The following NR6A1 variants were observed in gnomAD, a reference collection of about 807,000 sequenced individuals.
The protein encoded by NR6A1 is nuclear receptor subfamily 6 group A member 1.
A neutral mutation model predicts 59.1 loss-of-function variants in NR6A1; 7 were observed. That is an observed-to-expected ratio of 0.12 (90% CI 0.07 to 0.22). The LOEUF is 0.22. Ranked by LOEUF, NR6A1 falls within the 10% of genes least tolerant of loss-of-function variation. The pLI is 1.00. For synonymous variants in NR6A1, 243 were observed against 236.1 expected (o/e 1.03, Z -0.27); for missense variants, 468 against 611.6 (o/e 0.77, Z 2.48).
chr9:124,668,237 T>A (rs911348792), intron 2 of NR6A1, among the ~76,000 whole-genome samples: 2 of 152,050 alleles, frequency 1.3e-5, no homozygotes, highest in Non-Finnish European at 2.9e-5. Flanking sequence ...TAAGGGGAAG[T>A]ATATTGTCAC....
Position 124,520,635 on chromosome 9 carries a change from G to A in NR6A1, c.*2070C>T, listed in dbSNP as rs768802562. On this transcript the variant is annotated 3_prime_UTR_variant, in exon 10 of 10. Transcript: ENST00000487099. ...AAGAACGATGCTGTACACAGGAGCT[G>A]TCTTAGAGAAGGCATCTGTGATATG... 6.6e-6 allele frequency: 1 copy of A among 152,272 alleles called. No individual in the cohort carries two copies. The highest frequency in any genetic ancestry group is 1.5e-5 in the Non-Finnish European group (1 of 68,046). 9.4% of individuals were successfully genotyped at this position (152,272 alleles called of 1,614,324 possible).
At chr9:124,682,374 AACTG>A (rs1235357263) in intron 2 of NR6A1, among the ~76,000 whole-genome samples, 12 of 152,322 alleles carry the variant, frequency 7.9e-5, no homozygotes, top group East Asian at 3.9e-4. Flanking sequence ...AAATTGTCTG[AACTG>A]ACTATTAAAA....
chr9:124,719,501 T>A (rs1384012870), intron 2 of NR6A1, among the ~76,000 whole-genome samples: 3 of 152,150 alleles, frequency 2.0e-5, no homozygotes, highest in Non-Finnish European at 4.4e-5. Context: ...ACTCTCATCA[T>A]CCCTAAAAAT....
chr9:124,555,741 C>T (rs887402659), intron 2 of NR6A1, among the ~76,000 whole-genome samples: 2 of 152,194 alleles, frequency 1.3e-5, no homozygotes, highest in East Asian at 1.9e-4. Context: ...GAAAAATTGA[C>T]CTTCTTTACT....
chr9:124,597,296 C>G (rs1835298956), intron 2 of NR6A1, among the ~76,000 whole-genome samples: 1 of 129,050 alleles, frequency 7.7e-6, no homozygotes, highest in Non-Finnish European at 1.6e-5. Flanking sequence ...ACCCCAACCC[C>G]ATAGATTAAT....
At chr9:124,624,292 C>T (rs1836171706) in intron 2 of NR6A1, among the ~76,000 whole-genome samples, 1 of 152,166 alleles carries the variant, frequency 6.6e-6, no homozygotes, top group Non-Finnish European at 1.5e-5. Context: ...TACATGGTGG[C>T]AGCAGTGGGA....
In NR6A1 at chr9:124,543,855, T is replaced by C; in HGVS notation, c.388A>G (p.Ile130Val). Residue 130 changes from isoleucine (I) to valine (V), a missense_variant and splice_region_variant, in exon 4 of 10, where the codon ATC (isoleucine) becomes GTC (valine). Coordinates refer to ENST00000487099, the MANE Select transcript of NR6A1 (RefSeq NM_033334.4). The stretch of plus-strand genomic sequence containing the variant: ...CCTCCAGGCATGCCATCTTCTCTGA[T>C]AGCTGGAAGGAAAGATAAGTCAAGA... The part of the protein sequence containing the change: ...CLQMGMNRKA[I>V]REDGMPGGRN... 1.9e-6 allele frequency: 3 copies of C among 1,613,542 alleles called. No homozygotes were observed. The highest frequency in any genetic ancestry group is 2.5e-6 in the Non-Finnish European group (3 of 1,179,774).
intron 1 of NR6A1, among the ~76,000 whole-genome samples, chr9:124,760,381 G>A (rs1165566674): frequency 6.6e-6 from 1 of 152,056 alleles, no homozygotes; most frequent in African/African-American, 2.4e-5. Flanking sequence ...AAAGTCACTT[G>A]CAATTCTAAG....
chr9:124,728,215 G>A (rs912113625), intron 2 of NR6A1, among the ~76,000 whole-genome samples: 2 of 151,656 alleles, frequency 1.3e-5, no homozygotes, highest in Non-Finnish European at 2.9e-5. Context: ...ATTTTTAGTA[G>A]AGACGGGGTT....
chr9:124,618,922 C>T (rs1279732129), intron 2 of NR6A1, among the ~76,000 whole-genome samples: 2 of 152,112 alleles, frequency 1.3e-5, no homozygotes, highest in African/African-American at 4.8e-5. Flanking sequence ...CAGTATTTAC[C>T]ACCATTTGGG....
At chr9:124,553,548 A>AT (rs1833839122) in intron 3 of NR6A1, among the ~76,000 whole-genome samples, 1 of 39,302 alleles carries the variant, frequency 2.5e-5, no homozygotes, top group Admixed American at 2.6e-4. Flanking sequence ...TTTTAGCTTG[A>AT]CTTTTTTTTT....
At chr9:124,568,940 C>T (rs559275560) in intron 2 of NR6A1, among the ~76,000 whole-genome samples, 2 of 151,820 alleles carry the variant, frequency 1.3e-5, no homozygotes, top group Admixed American at 6.5e-5. Flanking sequence ...GGTGAAACAC[C>T]GTCTCTACTG....
intron 9 of NR6A1, 122 bp downstream of exon 9, chr9:124,524,599 G>C: frequency 9.2e-7 from 1 of 1,091,012 alleles, no homozygotes; most frequent in South Asian, 1.7e-5. Flanking sequence ...GCAAGGGTGA[G>C]AACTCTTTCA....
chr9:124,644,608 A>T (rs1408523825), intron 2 of NR6A1, among the ~76,000 whole-genome samples: 1 of 152,134 alleles, frequency 6.6e-6, no homozygotes. Context: ...GACATTGGTA[A>T]AAGGGAAAAA....
chr9:124,668,524 G>A (rs1837696257), intron 2 of NR6A1, among the ~76,000 whole-genome samples: 1 of 152,058 alleles, frequency 6.6e-6, no homozygotes. Flanking sequence ...AGATAATACA[G>A]AAAAACATAA....
At chr9:124,705,782 CTTTT>C (rs11351242) in intron 2 of NR6A1, among the ~76,000 whole-genome samples, 6 of 145,788 alleles carry the variant, frequency 4.1e-5, no homozygotes, top group Non-Finnish European at 7.6e-5. Context: ...TCAATCCCCC[CTTTT>C]TTTTTTTTTG....
intron 2 of NR6A1, chr9:124,599,064 G>A (rs980811584): frequency 1.1e-5 from 8 of 728,932 alleles, no homozygotes; most frequent in African/African-American, 1.7e-5. Flanking sequence ...TTGTGCTTCA[G>A]GAGCTTGACG....
intron 2 of NR6A1, among the ~76,000 whole-genome samples, chr9:124,684,659 C>G (rs1345447944): frequency 6.6e-6 from 1 of 152,148 alleles, no homozygotes; most frequent in Non-Finnish European, 1.5e-5. Flanking sequence ...GTTCCTCGAG[C>G]CTCTTCCATC....
intron 2 of NR6A1, among the ~76,000 whole-genome samples, chr9:124,724,841 G>A (rs1052842745): frequency 6.6e-6 from 1 of 152,144 alleles, no homozygotes; most frequent in Non-Finnish European, 1.5e-5. Flanking sequence ...TACAATCCCT[G>A]AGAGGCATGA....
Sources: allele counts gnomAD v4.1 joint callset (sites outside exome capture counted in the v4.1 genomes callset), GRCh38; gene constraint gnomAD v4.1.1; transcripts MANE v1.5; gene names NCBI Gene and HGNC (gene_info 2026-07-23, HGNC 2026-07-21).